The following PAK5 variants were observed in gnomAD, a reference collection of about 807,000 sequenced individuals.
The protein encoded by PAK5 is p21 (RAC1) activated kinase 5, also known as serine/threonine-protein kinase PAK 5.
PAK5 carries 16 observed loss-of-function variants against 65.9 expected under a neutral mutation model. The ratio of observed to expected loss-of-function variants is 0.24; its 90% CI spans 0.16 to 0.37. PAK5 has a LOEUF of 0.37. PAK5 is among the 10% of genes least tolerant of loss of function. The pLI, the probability that PAK5 is intolerant of heterozygous loss-of-function variation, is 1.00. For missense variants in PAK5, 785 were observed against 903.9 expected (o/e 0.87, Z 1.69); for synonymous variants, 371 against 354.9 (o/e 1.05, Z -0.51).
intron 2 of PAK5, among the ~76,000 whole-genome samples, chr20:9,659,406 C>A (rs1386954348): frequency 6.6e-6 from 1 of 152,146 alleles, no homozygotes; most frequent in Non-Finnish European, 1.5e-5. Context: ...GCACCACCTC[C>A]TGGTGAGACT....
chr20:9,558,456 C>G (rs2045545076), intron 6 of PAK5, among the ~76,000 whole-genome samples: 1 of 152,134 alleles, frequency 6.6e-6, no homozygotes. Context: ...ATCAACAAGC[C>G]TCCAGGGTCC....
intron 1 of PAK5, among the ~76,000 whole-genome samples, chr20:9,757,228 GA>G (rs1432737298): frequency 7.3e-5 from 5 of 68,314 alleles, no homozygotes; most frequent in African/African-American, 2.6e-4. Flanking sequence ...AAGACAATAT[GA>G]AAAAAAAACT....
At chr20:9,770,851 C>T (rs1161228607) in intron 1 of PAK5, among the ~76,000 whole-genome samples, 1 of 152,100 alleles carries the variant, frequency 6.6e-6, no homozygotes, top group African/African-American at 2.4e-5. Context: ...CCAAGTTGGA[C>T]ATCAAGTTGT....
Position 9,556,278 on chromosome 20 carries a change from C to T in PAK5, c.1743+1330G>A, listed in dbSNP as rs75829022. ...TTGTGTATACATGTACATGGAAATA[C>T]GGGAAAAATCGGTAATGGGATTAGG... is the stretch of plus-strand genomic sequence containing the variant. On this transcript the variant is annotated intron_variant, in intron 7 of 9. Coordinates refer to ENST00000353224, the MANE Select transcript of PAK5 (RefSeq NM_177990.4). 7.9e-5 allele frequency among the ~76,000 whole-genome samples: 12 copies of T among 152,276 alleles called. No homozygotes were observed. The East Asian group carries it at 1.3e-3, about 17-fold the overall frequency.
At position 9,838,474 on chromosome 20, in the gene PAK5, C is replaced by T. The variant is rs1292041619; in HGVS notation, c.-162+288G>A. On this transcript the variant is annotated intron_variant, in intron 1 of 9. Coordinates refer to ENST00000353224, the MANE Select transcript of PAK5 (RefSeq NM_177990.4). This position sits in a 1 kb window ranked among gnomAD's most constrained non-coding sequence, Gnocchi z 4.5. Reference sequence around the variant, plus strand: ...GGAATCCGGGGTTCTCCTCCACGCCCTCCCGCCCAGCAAAATGGAACCATC... The same window carrying T: ...GGAATCCGGGGTTCTCCTCCACGCCTTCCCGCCCAGCAAAATGGAACCATC... Among the ~76,000 whole-genome samples the T allele has an allele frequency of 6.6e-6, 1 of 152,204 alleles. No homozygotes were observed. The highest frequency in any genetic ancestry group is 2.4e-5 in the African/African-American group (1 of 41,460).
chr20:9,708,230 G>A (rs1406717617), intron 2 of PAK5, among the ~76,000 whole-genome samples: 8 of 152,102 alleles, frequency 5.3e-5, no homozygotes, highest in Admixed American at 5.2e-4. Context: ...TAAGCCAAGG[G>A]ACCCTTTTGG....
chr20:9,735,527 G>C (rs1035074935), intron 1 of PAK5, among the ~76,000 whole-genome samples: 1 of 152,106 alleles, frequency 6.6e-6, no homozygotes, highest in Non-Finnish European at 1.5e-5. Context: ...ATCCGTGGAC[G>C]TTAGGTAAAG....
At chr20:9,544,686 G>C (rs1008095055) in intron 7 of PAK5, among the ~76,000 whole-genome samples, 192 bp from the exon 8 acceptor site, 11 of 151,964 alleles carry the variant, frequency 7.2e-5, no homozygotes, top group Non-Finnish European at 1.6e-4. Flanking sequence ...AACTTCTCCC[G>C]GGCCCACCAG....
At chr20:9,603,451 G>A (rs2046395646) in intron 3 of PAK5, among the ~76,000 whole-genome samples, 1 of 152,070 alleles carries the variant, frequency 6.6e-6, no homozygotes, top group Admixed American at 6.6e-5. Context: ...TTATATCAGA[G>A]AATCAGCTCC....
chr20:9,618,429 C>G (rs1939988257), intron 3 of PAK5, among the ~76,000 whole-genome samples: 1 of 130,984 alleles, frequency 7.6e-6, no homozygotes. Context: ...TTTTTTGAGA[C>G]AGAGTCTCGC....
At chr20:9,743,204 C>T (rs542729533) in intron 1 of PAK5, among the ~76,000 whole-genome samples, 95 of 151,440 alleles carry the variant, frequency 6.3e-4, no homozygotes, top group Non-Finnish European at 1.2e-3. Context: ...ATCGACTCTA[C>T]GAAAATAATA....
At chr20:9,735,232 G>A (rs1211101454) in intron 1 of PAK5, among the ~76,000 whole-genome samples, 1 of 152,136 alleles carries the variant, frequency 6.6e-6, no homozygotes, top group Non-Finnish European at 1.5e-5. Context: ...AAAAGGAGCT[G>A]GAGTTTTCCA....
intron 1 of PAK5, among the ~76,000 whole-genome samples, chr20:9,731,425 T>C (rs1244373310): frequency 6.6e-6 from 1 of 152,216 alleles, no homozygotes; most frequent in South Asian, 2.1e-4. Context: ...ATGTGTTTTA[T>C]GCTTTCAGCA....
rs754435525 is a variant in PAK5, at chr20:9,665,085, G to GTTTTTTT, written c.-11-20753_-11-20747dup. Among the ~76,000 whole-genome samples, 64 of 98,888 alleles carry GTTTTTTT rather than the reference G, an allele frequency of 6.5e-4. 4 individuals carry two copies. Among genetic ancestry groups the GTTTTTTT allele is most frequent in the African/African-American group, 2.2e-3 (55 of 24,614 alleles). 64.9% of individuals were successfully genotyped at this position (98,888 alleles called of 152,430 possible). ...CCACCATGCCCAGCTAAATTTTTCT[G>GTTTTTTT]TTTTTTTTTTTTTTTGTAGTGATGA... On this transcript the variant is annotated intron_variant, in intron 2 of 9. Transcript: ENST00000353224.
chr20:9,603,457 G>A (rs112199849), intron 3 of PAK5, among the ~76,000 whole-genome samples: 1 of 152,080 alleles, frequency 6.6e-6, no homozygotes, highest in African/African-American at 2.4e-5. Context: ...CAGAGAATCA[G>A]CTCCTCCTGG....
intron 1 of PAK5, among the ~76,000 whole-genome samples, chr20:9,781,554 T>C (rs999200829): frequency 6.6e-6 from 1 of 152,178 alleles, no homozygotes; most frequent in Non-Finnish European, 1.5e-5. Flanking sequence ...AGACATCACT[T>C]GGAGCACTCG....
At chr20:9,790,196 T>C (rs2049035255) in intron 1 of PAK5, among the ~76,000 whole-genome samples, 1 of 152,164 alleles carries the variant, frequency 6.6e-6, no homozygotes, top group Non-Finnish European at 1.5e-5. Context: ...TCTACTGCTT[T>C]ATCTCAAGAC....
At chr20:9,704,078 C>T (rs1177951215) in intron 2 of PAK5, among the ~76,000 whole-genome samples, 1 of 152,120 alleles carries the variant, frequency 6.6e-6, no homozygotes, top group East Asian at 1.9e-4. Context: ...CTCATCCATC[C>T]AAATGAACTC....
intron 7 of PAK5, among the ~76,000 whole-genome samples, chr20:9,553,499 C>T (rs1347220632): frequency 3.3e-5 from 5 of 152,066 alleles, no homozygotes; most frequent in Non-Finnish European, 5.9e-5. Flanking sequence ...TTCCCACAGC[C>T]CCAAAACCCT....
Sources: gnomAD v4.1 joint callset for allele counts (sites outside exome capture counted in the v4.1 genomes callset) on GRCh38, gnomAD v4.1.1 for gene constraint, Gnocchi (gnomAD v3.1) non-coding constraint, MANE v1.5 for transcripts, NCBI Gene and HGNC (gene_info 2026-07-23, HGNC 2026-07-21) for gene names.